Variants in DAB1 observed in about 807,000 individuals in gnomAD.
DAB1 encodes the protein disabled homolog 1.
A neutral mutation model predicts 64.6 loss-of-function variants in DAB1; 15 were observed. The ratio of observed to expected loss-of-function variants is 0.23; its 90% CI spans 0.16 to 0.36. The LOEUF is 0.36. DAB1 is among the 10% of genes least tolerant of loss of function. The probability of loss-of-function intolerance (pLI) is 1.00; values close to 1 mark genes in which losing one functional copy is unlikely to be tolerated. For synonymous variants in DAB1, 235 were observed against 251.9 expected, an observed-to-expected ratio of 0.93 and a Z score of 0.64; for missense variants, 596 against 706.7, an observed-to-expected ratio of 0.84 and a Z score of 1.78.
chr1:57,028,126 T>C (rs1646850766), intron 9 of DAB1, among the ~76,000 whole-genome samples: 1 of 152,166 alleles, frequency 6.6e-6, no homozygotes, highest in Admixed American at 6.5e-5. Flanking sequence ...TCAACTTGCA[T>C]TGTATCTCCC....
chr1:57,836,553 C>A (rs1652817600), intron 1 of DAB1, among the ~76,000 whole-genome samples: 1 of 152,208 alleles, frequency 6.6e-6, no homozygotes. Context: ...GAACCAGGGG[C>A]TGACTCATTC....
intron 1 of DAB1, among the ~76,000 whole-genome samples, chr1:57,391,777 AC>A (rs1558296717): frequency 0.14 from 20,760 of 144,730 alleles, 1,611 homozygotes; most frequent in Non-Finnish European, 0.19. Context: ...ACACACACAC[AC>A]ACACACACAC....
intron 4 of DAB1, among the ~76,000 whole-genome samples, chr1:58,333,972 G>A (rs1296140456): frequency 6.6e-6 from 1 of 152,074 alleles, no homozygotes; most frequent in Non-Finnish European, 1.5e-5. Context: ...TTTTCTCTTT[G>A]TGTGATAGAC....
intron 9 of DAB1, among the ~76,000 whole-genome samples, chr1:57,059,016 C>T (rs761091961): frequency 6.6e-6 from 1 of 152,174 alleles, no homozygotes; most frequent in African/African-American, 2.4e-5. Flanking sequence ...ACTGAGTACT[C>T]TATTTGGGGT....
chr1:58,157,052 G>A (rs1557675283), intron 4 of DAB1, among the ~76,000 whole-genome samples: 2 of 152,084 alleles, frequency 1.3e-5, no homozygotes, highest in Non-Finnish European at 2.9e-5. Context: ...ATTTGCTTAG[G>A]AAGCTGTCAC....
chr1:57,739,010 A>G (rs1440587624), intron 6 of DAB1, among the ~76,000 whole-genome samples: 4 of 152,204 alleles, frequency 2.6e-5, no homozygotes, highest in Non-Finnish European at 5.9e-5. Flanking sequence ...CACAGCCTGC[A>G]TCATCACCTT....
At chr1:57,918,654 C>T (rs1448809121) in intron 5 of DAB1, among the ~76,000 whole-genome samples, 2 of 152,076 alleles carry the variant, frequency 1.3e-5, no homozygotes, top group Admixed American at 1.3e-4. Flanking sequence ...GAAACCCCGT[C>T]TCTACTAAAA....
At chr1:57,342,882 G>A (rs969789776) in intron 1 of DAB1, among the ~76,000 whole-genome samples, 4 of 152,162 alleles carry the variant, frequency 2.6e-5, no homozygotes, top group Admixed American at 1.3e-4. Context: ...AGACCTTTGC[G>A]GTGAGTATTA....
chr1:57,594,822 T>C (rs1239075688), intron 7 of DAB1, among the ~76,000 whole-genome samples: 2 of 152,150 alleles, frequency 1.3e-5, no homozygotes, highest in Non-Finnish European at 2.9e-5. Context: ...GCCATTCTCC[T>C]GCCTCAGCCT....
chr1:58,048,078 C>T (rs1414799706), intron 5 of DAB1: 9 of 733,474 alleles, frequency 1.2e-5, no homozygotes, highest in Non-Finnish European at 2.2e-5. Flanking sequence ...CTAGGCCCTG[C>T]CACCACTGTG....
At chr1:57,889,908 G>GTGC (rs796260508) in intron 5 of DAB1, among the ~76,000 whole-genome samples, 10 of 90,456 alleles carry the variant, frequency 1.1e-4, no homozygotes, top group African/African-American at 3.7e-4. Context: ...GCGGGGGGGG[G>GTGC]GGAGGGGGAA....
intron 1 of DAB1, among the ~76,000 whole-genome samples, chr1:57,370,475 A>G (rs1037785062): frequency 1.3e-5 from 2 of 152,192 alleles, no homozygotes; most frequent in Admixed American, 1.3e-4. Context: ...TAGTTATCCA[A>G]TTTAGGTCCA....
At chr1:58,289,534 G>T (rs1429621423) in intron 4 of DAB1, among the ~76,000 whole-genome samples, 4 of 152,118 alleles carry the variant, frequency 2.6e-5, no homozygotes, top group Non-Finnish European at 2.9e-5. Flanking sequence ...GACTTTCATG[G>T]ACTTGATATT....
intron 14 of DAB1, among the ~76,000 whole-genome samples, chr1:57,006,689 G>C (rs2100253831): frequency 6.6e-6 from 1 of 152,248 alleles, no homozygotes; most frequent in East Asian, 1.9e-4. Flanking sequence ...ATTGAGTTCT[G>C]TGTCCATAAA....
intron 6 of DAB1, among the ~76,000 whole-genome samples, chr1:57,816,224 G>T (rs1651849164): frequency 6.6e-6 from 1 of 152,186 alleles, no homozygotes; most frequent in Non-Finnish European, 1.5e-5. Flanking sequence ...CTGTTTCACT[G>T]ATTTCGGCTC....
At chr1:57,952,464 A>C (rs1645299864) in intron 5 of DAB1, among the ~76,000 whole-genome samples, 1 of 152,146 alleles carries the variant, frequency 6.6e-6, no homozygotes, top group African/African-American at 2.4e-5. Context: ...ATCTTCACTA[A>C]TCATATCCTG....
chr1:58,356,850 C>T (rs1257215071), intron 3 of DAB1, among the ~76,000 whole-genome samples: 2 of 151,846 alleles, frequency 1.3e-5, no homozygotes, highest in African/African-American at 4.8e-5. Flanking sequence ...CATAGGAGAA[C>T]TGGGCTCTAC....
intron 7 of DAB1, among the ~76,000 whole-genome samples, chr1:57,640,901 T>C (rs1012405620): frequency 1.3e-5 from 2 of 152,164 alleles, no homozygotes; most frequent in African/African-American, 4.8e-5. Flanking sequence ...CTGAATGCAC[T>C]TATAGAAGGA....
intron 5 of DAB1, among the ~76,000 whole-genome samples, chr1:58,119,230 G>A (rs1652587699): frequency 1.5e-5 from 2 of 129,952 alleles, no homozygotes; most frequent in Admixed American, 1.6e-4. Context: ...GTGTGCGTGT[G>A]TGTGTGTGTG....
Sources: allele counts gnomAD v4.1 joint callset (sites outside exome capture counted in the v4.1 genomes callset), GRCh38; gene constraint gnomAD v4.1.1; transcripts MANE v1.5; gene names NCBI Gene and HGNC (gene_info 2026-07-23, HGNC 2026-07-21).